The following KIF16B variants were observed in gnomAD, a reference collection of about 807,000 sequenced individuals.
KIF16B encodes the protein kinesin family member 16B, also known as kinesin-like protein KIF16B.
KIF16B carries 98 observed loss-of-function variants against 156.3 expected under a neutral mutation model. The ratio of observed to expected loss-of-function variants is 0.63; its 90% confidence interval spans 0.53 to 0.74. KIF16B has a LOEUF of 0.74. Among genes scored for constraint, KIF16B ranks in the 30% least tolerant of loss-of-function variants. The probability of loss-of-function intolerance (pLI) is 0.00; values close to 1 mark genes in which losing one functional copy is unlikely to be tolerated. For synonymous variants in KIF16B, 564 were observed against 583.7 expected (o/e 0.97, Z 0.49); for missense variants, 1,421 against 1,606.5 (o/e 0.88, Z 1.97).
rs377023426 is a variant in KIF16B, at chr20:16,273,347, T to C, written c.3860A>G (p.Lys1287Arg). Reference protein sequence around the residue: ...QSATSPLHINKVGLTLSKHTI... With the variant: ...QSATSPLHINRVGLTLSKHTI... Reference sequence around the variant, plus strand: ...ATGTTTCGAGAGAGTCAGTCCCACTTTGTTGATGTGGAGGGGAGATGTTGC... The same window carrying C: ...ATGTTTCGAGAGAGTCAGTCCCACTCTGTTGATGTGGAGGGGAGATGTTGC... Residue 1287 changes from lysine (K) to arginine (R), a missense_variant, in exon 26 of 26, where the codon AAA becomes AGA. Transcript: ENST00000354981. The C allele has an allele frequency of 1.4e-5, 23 of 1,613,642 alleles. No homozygotes were observed. In the African/African-American group the frequency reaches 2.9e-4, roughly 21 times the overall value.
At chr20:16,551,404 C>T (rs548015367) in intron 1 of KIF16B, among the ~76,000 whole-genome samples, 2 of 152,340 alleles carry the variant, frequency 1.3e-5, no homozygotes, top group South Asian at 4.1e-4. Flanking sequence ...GCTGGGATTA[C>T]AGGCATGAGC....
At chr20:16,484,361 G>C (rs1017146888) in intron 12 of KIF16B, among the ~76,000 whole-genome samples, 1 of 152,196 alleles carries the variant, frequency 6.6e-6, no homozygotes, top group Non-Finnish European at 1.5e-5. Flanking sequence ...AAGTGCAATA[G>C]CACTGACAGT....
chr20:16,479,641 C>T (rs1031243823), intron 12 of KIF16B, among the ~76,000 whole-genome samples: 1 of 152,124 alleles, frequency 6.6e-6, no homozygotes, highest in Non-Finnish European at 1.5e-5. Flanking sequence ...ATAGTAACCC[C>T]GTATTTTTAC....
intron 15 of KIF16B, among the ~76,000 whole-genome samples, chr20:16,411,848 G>T (rs1057237684): frequency 6.6e-5 from 10 of 151,890 alleles, no homozygotes; most frequent in East Asian, 1.9e-4. Flanking sequence ...ATGAGGTTAG[G>T]TGTGGAGTTT....
intron 25 of KIF16B, among the ~76,000 whole-genome samples, chr20:16,284,906 G>A (rs1401441892): frequency 1.3e-5 from 2 of 152,192 alleles, no homozygotes; most frequent in Non-Finnish European, 2.9e-5. Flanking sequence ...CTCAGGGTGA[G>A]CACGCGCCCT....
In KIF16B at chr20:16,273,267, G is replaced by A. The variant is rs775993389; in HGVS notation, c.3940C>T (p.His1314Tyr). 17 of 1,613,988 alleles carry A rather than the reference G, an allele frequency of 1.1e-5. No homozygotes were observed. The highest frequency in any genetic ancestry group is 2.7e-5 in the African/African-American group (2 of 75,038). ...FKKGVFDYSS[H>Y]GTG is the part of the protein sequence containing the mutation. ...CACCCCTGGCTCTACCCCGTCCCGT[G>A]GCTGCTGTAGTCAAAGACTCCTTTC... The change falls in exon 26 of 26, where the codon CAC (histidine) becomes TAC (tyrosine). Residue 1314 changes from histidine (H) to tyrosine (Y), a missense_variant. By Grantham distance (83) the His-to-Tyr change is moderately conservative. Transcript: ENST00000354981.
chr20:16,432,658 C>T (rs1174834732), intron 12 of KIF16B, among the ~76,000 whole-genome samples: 1 of 152,060 alleles, frequency 6.6e-6, no homozygotes, highest in Non-Finnish European at 1.5e-5. Context: ...AGAAGTCCCT[C>T]AGGCCTCTGC....
intron 15 of KIF16B, among the ~76,000 whole-genome samples, chr20:16,417,334 G>A (rs148131728): frequency 0.018 from 2,696 of 152,228 alleles, 34 homozygotes; most frequent in Non-Finnish European, 0.028. Flanking sequence ...CACTGCTACT[G>A]GAGGAGCACT....
At chr20:16,338,172 C>T (rs992215808) in intron 23 of KIF16B, among the ~76,000 whole-genome samples, 3 of 152,176 alleles carry the variant, frequency 2.0e-5, no homozygotes, top group Non-Finnish European at 2.9e-5. Flanking sequence ...TGAAACCCGG[C>T]TCTCCCGTGA....
At chr20:16,419,565 A>C (rs968037682) in intron 15 of KIF16B, among the ~76,000 whole-genome samples, 3 of 152,144 alleles carry the variant, frequency 2.0e-5, no homozygotes, top group African/African-American at 7.2e-5. Context: ...CAAGCATAAC[A>C]CATTCAAATG....
chr20:16,281,087 C>G (rs1202254529), intron 25 of KIF16B, among the ~76,000 whole-genome samples: 1 of 152,158 alleles, frequency 6.6e-6, no homozygotes, highest in African/African-American at 2.4e-5. Flanking sequence ...CCATATCATT[C>G]TAATGATTTT....
intron 15 of KIF16B, among the ~76,000 whole-genome samples, chr20:16,410,439 T>C (rs1440645275): frequency 6.6e-6 from 1 of 151,142 alleles, no homozygotes; most frequent in African/African-American, 2.4e-5. Context: ...GGTTTTGGAG[T>C]TCTGATTATT....
intron 25 of KIF16B, among the ~76,000 whole-genome samples, chr20:16,281,441 C>T (rs2122332815): frequency 6.6e-6 from 1 of 152,250 alleles, no homozygotes; most frequent in South Asian, 2.1e-4. Context: ...TGTTTCTAGA[C>T]CTGAAAGAGT....
chr20:16,446,000 G>A (rs2066921560), intron 12 of KIF16B, among the ~76,000 whole-genome samples: 2 of 152,196 alleles, frequency 1.3e-5, no homozygotes, highest in African/African-American at 4.8e-5. Context: ...CATAGACAGT[G>A]TAGACAACCT....
intron 22 of KIF16B, among the ~76,000 whole-genome samples, chr20:16,364,923 T>C (rs1443893480): frequency 6.6e-6 from 1 of 152,202 alleles, no homozygotes; most frequent in African/African-American, 2.4e-5. Flanking sequence ...AGGCCATGAT[T>C]TACAACATGG....
At chr20:16,452,060 G>A (rs1384151295) in intron 12 of KIF16B, among the ~76,000 whole-genome samples, 1 of 152,138 alleles carries the variant, frequency 6.6e-6, no homozygotes, top group Non-Finnish European at 1.5e-5. Context: ...GTAAGAATGG[G>A]TGGGTCTGTA....
chr20:16,276,549 C>A (rs567558314), intron 25 of KIF16B, among the ~76,000 whole-genome samples: 1 of 152,148 alleles, frequency 6.6e-6, no homozygotes, highest in African/African-American at 2.4e-5. Flanking sequence ...GCTTCCTTGG[C>A]GCAAAGAAAT....
intron 12 of KIF16B, among the ~76,000 whole-genome samples, chr20:16,461,067 CTT>C (rs1362548406): frequency 6.6e-6 from 1 of 151,760 alleles, no homozygotes; most frequent in African/African-American, 2.4e-5. Flanking sequence ...CTAAAATAAA[CTT>C]TTTAAAATAT....
At chr20:16,305,823 A>G (rs562379820) in intron 25 of KIF16B, among the ~76,000 whole-genome samples, 1 of 152,308 alleles carries the variant, frequency 6.6e-6, no homozygotes, top group Admixed American at 6.5e-5. Flanking sequence ...AATGACCTCC[A>G]GTTCCATTCA....
Sources: gnomAD v4.1 joint callset for allele counts (sites outside exome capture counted in the v4.1 genomes callset) on GRCh38, gnomAD v4.1.1 for gene constraint, MANE v1.5 for transcripts, NCBI Gene and HGNC (gene_info 2026-07-23, HGNC 2026-07-21) for gene names.